CDK8: variants seen among roughly 807,000 people sequenced by gnomAD.
CDK8 encodes cyclin-dependent kinase 8.
CDK8 carries 29 observed loss-of-function variants against 71.5 expected under a neutral mutation model. The observed-to-expected ratio is 0.41, with a 90% confidence interval of 0.30 to 0.55. The LOEUF is 0.55. Ranked by LOEUF, CDK8 falls within the 20% of genes least tolerant of loss-of-function variation. CDK8 has a pLI of 0.37. For missense variants in CDK8, 288 were observed against 572.6 expected, an observed-to-expected ratio of 0.50 and a Z score of 5.07; for synonymous variants, 161 against 192.1, an observed-to-expected ratio of 0.84 and a Z score of 1.34.
intron 1 of CDK8, among the ~76,000 whole-genome samples, chr13:26,327,918 A>T (rs1469554141): frequency 1.3e-5 from 2 of 151,848 alleles, no homozygotes; most frequent in Admixed American, 6.6e-5. Flanking sequence ...ATTAAAAATG[A>T]TTTAAAATAT....
intron 2 of CDK8, among the ~76,000 whole-genome samples, chr13:26,343,066 A>G (rs1021595155): frequency 6.6e-6 from 1 of 151,850 alleles, no homozygotes; most frequent in Admixed American, 6.5e-5. Context: ...GGCCCACTCT[A>G]AAGACCTCAT....
chr13:26,395,461 C>A (rs146401489), intron 7 of CDK8, among the ~76,000 whole-genome samples: 285 of 147,214 alleles, frequency 1.9e-3, no homozygotes, highest in African/African-American at 6.9e-3. Flanking sequence ...CCGGCCTGGG[C>A]TGTTAACAAG....
chr13:26,346,893 C>G (rs1167392028), intron 2 of CDK8, among the ~76,000 whole-genome samples: 1 of 152,170 alleles, frequency 6.6e-6, no homozygotes, highest in African/African-American at 2.4e-5. Flanking sequence ...ATAGTGTTAA[C>G]TTTACATTGA....
intron 2 of CDK8, among the ~76,000 whole-genome samples, chr13:26,342,243 G>A (rs1593275829): frequency 2.0e-5 from 3 of 152,218 alleles, no homozygotes; most frequent in Middle Eastern, 3.4e-3. Context: ...CAAAATCTTC[G>A]AAAAGGCAAA....
intron 6 of CDK8, among the ~76,000 whole-genome samples, chr13:26,391,914 G>A (rs544278381): frequency 6.6e-6 from 1 of 152,240 alleles, no homozygotes; most frequent in East Asian, 1.9e-4. Context: ...TCCAGTTTTG[G>A]AATTTAGGAA....
intron 7 of CDK8, among the ~76,000 whole-genome samples, chr13:26,395,227 G>T (rs1875928302): frequency 6.6e-6 from 1 of 152,158 alleles, no homozygotes; most frequent in South Asian, 2.1e-4. Context: ...GCGGTGGGCG[G>T]ATCACCTGAG....
intron 1 of CDK8, among the ~76,000 whole-genome samples, chr13:26,271,347 C>T (rs1872311754): frequency 6.6e-6 from 1 of 152,118 alleles, no homozygotes; most frequent in Non-Finnish European, 1.5e-5. Context: ...GATGGTATAG[C>T]CTACAACACA....
intron 1 of CDK8, among the ~76,000 whole-genome samples, chr13:26,271,599 G>A (rs902301668): frequency 6.6e-6 from 1 of 151,940 alleles, no homozygotes; most frequent in African/African-American, 2.4e-5. Context: ...TGAGGACATA[G>A]GAGTTTGAGA....
At chr13:26,320,503 A>C (rs1874727046) in intron 1 of CDK8, among the ~76,000 whole-genome samples, 1 of 152,202 alleles carries the variant, frequency 6.6e-6, no homozygotes, top group Non-Finnish European at 1.5e-5. Flanking sequence ...TGGCACAGGC[A>C]ATAAAAGAAA....
chr13:26,277,543 C>T (rs1218384350), intron 1 of CDK8, among the ~76,000 whole-genome samples: 3 of 152,102 alleles, frequency 2.0e-5, no homozygotes, highest in Non-Finnish European at 4.4e-5. Flanking sequence ...GAGAAAGGCA[C>T]ACAAAATGAC....
In CDK8 at chr13:26,401,244, TG is replaced by T; in HGVS notation, c.1032-23del. The T allele has an allele frequency of 6.4e-7, 1 of 1,565,984 alleles. No homozygotes were observed. The highest frequency in any genetic ancestry group is 8.8e-7 in the Non-Finnish European group (1 of 1,138,802). Reference sequence around the variant, plus strand: ...GGAATATTGATTAGTATACCAGAAATGGTTTTTCTTTTTCTTATGATCAGCG... The same window carrying T: ...GGAATATTGATTAGTATACCAGAAATGTTTTTCTTTTTCTTATGATCAGCG... On this transcript the variant is annotated intron_variant, in intron 10 of 12. Coordinates refer to ENST00000381527, the MANE Select transcript of CDK8 (RefSeq NM_001260.3). The surrounding 1 kb of genome is among the most constrained non-coding windows in gnomAD (Gnocchi z 4.5).
At chr13:26,374,018 A>G (rs1316017433) in intron 4 of CDK8, among the ~76,000 whole-genome samples, 2 of 83,300 alleles carry the variant, frequency 2.4e-5, no homozygotes, top group Admixed American at 1.2e-4. Flanking sequence ...CTTCTCTACT[A>G]AAAAAAAAAA....
chr13:26,283,896 CA>C (rs752553551), intron 1 of CDK8, among the ~76,000 whole-genome samples: 1,722 of 89,434 alleles, frequency 0.019, 47 homozygotes, highest in South Asian at 0.1. Context: ...GACTCCATCT[CA>C]AAAAAAAAAA....
intron 2 of CDK8, among the ~76,000 whole-genome samples, chr13:26,347,069 T>C (rs893381177): frequency 3.9e-5 from 6 of 152,204 alleles, no homozygotes; most frequent in Admixed American, 2.6e-4. Flanking sequence ...AGAGGCTTTT[T>C]CTTGTTGTTG....
chr13:26,373,010 A>G (rs1874762903), intron 4 of CDK8, among the ~76,000 whole-genome samples: 1 of 152,178 alleles, frequency 6.6e-6, no homozygotes. Flanking sequence ...GAATAAACCC[A>G]GGTATTTACC....
Position 26,401,128 on chromosome 13 carries a change from C to T in CDK8, c.1032-141C>T. 1 of 662,746 alleles carries T rather than the reference C, an allele frequency of 1.5e-6. No individual in the cohort carries two copies. Among genetic ancestry groups the T allele is most frequent in the Non-Finnish European group, 2.6e-6 (1 of 382,952 alleles). 41.1% of individuals were successfully genotyped at this position (662,746 alleles called of 1,614,324 possible). On this transcript the variant is annotated intron_variant, in intron 10 of 12. Coordinates refer to ENST00000381527, the MANE Select transcript of CDK8 (RefSeq NM_001260.3). This position sits in a 1 kb window ranked among gnomAD's most constrained non-coding sequence, Gnocchi z 4.5. ...GTTACAAAGAAAAGATTCGTTTTGT[C>T]ACAGTTACATGAAAGGTGCTTATAT...
chr13:26,256,703 A>T (rs1871540241), intron 1 of CDK8, among the ~76,000 whole-genome samples: 1 of 152,212 alleles, frequency 6.6e-6, no homozygotes, highest in African/African-American at 2.4e-5. Flanking sequence ...ATTTAAAGAT[A>T]GTTGAAGGTA....
At chr13:26,281,353 G>A (rs1872736976) in intron 1 of CDK8, among the ~76,000 whole-genome samples, 1 of 152,230 alleles carries the variant, frequency 6.6e-6, no homozygotes, top group Non-Finnish European at 1.5e-5. Flanking sequence ...GAGTCTGGTA[G>A]CCCCACGGGG....
rs181519075 is a variant in CDK8, at chr13:26,325,175, C to A, written c.129-12392C>A. Among the ~76,000 whole-genome samples the A allele has an allele frequency of 6.6e-5, 10 of 152,254 alleles. No homozygotes were observed. The East Asian group carries it at 1.7e-3, about 26-fold the overall frequency. Reference sequence around the variant, plus strand: ...ATAACAGTGCCAAGCACAGGAACTTCCCCCAAATTGCTAGGAAATTCCCAC... The same window carrying A: ...ATAACAGTGCCAAGCACAGGAACTTACCCCAAATTGCTAGGAAATTCCCAC... On this transcript the variant is annotated intron_variant, in intron 1 of 12. Transcript: ENST00000381527.
Sources: gnomAD v4.1 joint callset for allele counts (sites outside exome capture counted in the v4.1 genomes callset) on GRCh38, gnomAD v4.1.1 for gene constraint, Gnocchi (gnomAD v3.1) non-coding constraint, MANE v1.5 for transcripts, NCBI Gene and HGNC (gene_info 2026-07-23, HGNC 2026-07-21) for gene names.